MICU3: variants seen among roughly 807,000 people sequenced by gnomAD.
The protein encoded by MICU3 is mitochondrial calcium uptake 3.
Under a neutral mutation model 66.5 loss-of-function variants are expected in MICU3, and 62 were observed. That is an observed-to-expected ratio of 0.93 (90% CI 0.76 to 1.15). The LOEUF (loss-of-function observed/expected upper bound fraction) is 1.15. Among genes scored for constraint, MICU3 ranks in the 50% most tolerant of loss-of-function variants. The pLI is 0.00. For synonymous variants in MICU3, 308 were observed against 240.7 expected (o/e 1.28, Z -2.59); for missense variants, 779 against 664.4 (o/e 1.17, Z -1.90).
At chr8:17,038,899 G>T (rs1813529758) in intron 1 of MICU3, among the ~76,000 whole-genome samples, 1 of 151,418 alleles carries the variant, frequency 6.6e-6, no homozygotes, top group Non-Finnish European at 1.5e-5. Context: ...CTTGCAGTGA[G>T]CTGAGATTGT....
chr8:17,097,683 T>C (rs1800858373), intron 8 of MICU3, among the ~76,000 whole-genome samples: 1 of 151,720 alleles, frequency 6.6e-6, no homozygotes, highest in African/African-American at 2.4e-5. Context: ...TGAGAACCTG[T>C]GAAATCTTCC....
At chr8:17,131,004 G>C in the MICU3 span, among the ~76,000 whole-genome samples, 1 of 152,172 alleles carries the variant, frequency 6.6e-6, no homozygotes, top group Admixed American at 6.5e-5. Context: ...TATGTAAACA[G>C]TAATAAGAAA....
Position 17,032,359 on chromosome 8 carries a change from T to G in MICU3, c.381+4699T>G, listed in dbSNP as rs77083898. 0.021 allele frequency among the ~76,000 whole-genome samples: 3,145 copies of G among 152,284 alleles called. 171 individuals carry two copies. The East Asian group carries it at 0.22, about 11-fold the overall frequency. On this transcript the variant is annotated intron_variant, in intron 1 of 14. Coordinates refer to ENST00000318063, the MANE Select transcript of MICU3 (RefSeq NM_181723.3). ...TTTTTATTAGTGGGAAAAAATTTTG[T>G]TCTAGAACTGCCTTTTTTTTTCATG...
intron 1 of MICU3, among the ~76,000 whole-genome samples, chr8:17,061,893 G>A (rs375218678): frequency 2.5e-4 from 38 of 152,184 alleles, no homozygotes; most frequent in African/African-American, 8.2e-4. Context: ...TCTCACCCAC[G>A]GCAGGGCCAA....
At chr8:17,060,634 A>G (rs546120606) in intron 1 of MICU3, among the ~76,000 whole-genome samples, 5 of 151,906 alleles carry the variant, frequency 3.3e-5, no homozygotes, top group Non-Finnish European at 7.4e-5. Context: ...TAACCAGTCC[A>G]TTTTTCATCT....
intron 13 of MICU3, among the ~76,000 whole-genome samples, chr8:17,118,086 C>G (rs1802854133): frequency 6.6e-6 from 1 of 152,146 alleles, no homozygotes; most frequent in Non-Finnish European, 1.5e-5. Flanking sequence ...GCCAGAAGTA[C>G]TTGAAACAAG....
At chr8:17,042,817 A>T (rs1445210488) in intron 1 of MICU3, among the ~76,000 whole-genome samples, 1 of 151,782 alleles carries the variant, frequency 6.6e-6, no homozygotes, top group South Asian at 2.1e-4. Context: ...TCTGATAAGG[A>T]TGATATCTAT....
intron 11 of MICU3, among the ~76,000 whole-genome samples, chr8:17,110,858 T>C (rs1206017486): frequency 6.6e-6 from 1 of 152,042 alleles, no homozygotes; most frequent in Non-Finnish European, 1.5e-5. Context: ...ATCACAGGGG[T>C]GAGTCACCAT....
chr8:17,079,943 G>A (rs187886407), intron 4 of MICU3, among the ~76,000 whole-genome samples: 1 of 152,208 alleles, frequency 6.6e-6, no homozygotes, highest in East Asian at 1.9e-4. Flanking sequence ...GCAATGTATT[G>A]TGTATAGGAA....
At chr8:17,136,480 C>T in the MICU3 span, among the ~76,000 whole-genome samples, 1 of 152,038 alleles carries the variant, frequency 6.6e-6, no homozygotes, top group East Asian at 1.9e-4. Flanking sequence ...CCTCCGCTGT[C>T]ACCCTTTTGA....
At chr8:17,086,766 A>T (rs1799513526) in intron 6 of MICU3, among the ~76,000 whole-genome samples, 198 bp from the exon 7 acceptor site, 1 of 152,146 alleles carries the variant, frequency 6.6e-6, no homozygotes, top group Admixed American at 6.6e-5. Flanking sequence ...ATTTAACTTA[A>T]TTATGGGTTA....
intron 8 of MICU3, among the ~76,000 whole-genome samples, chr8:17,092,120 C>T (rs1249209948): frequency 2.6e-5 from 4 of 152,094 alleles, no homozygotes; most frequent in African/African-American, 9.7e-5. Flanking sequence ...TCATGATCCA[C>T]CCACCTCGGC....
At chr8:17,046,711 T>A (rs1051876080) in intron 1 of MICU3, among the ~76,000 whole-genome samples, 1 of 152,074 alleles carries the variant, frequency 6.6e-6, no homozygotes, top group Admixed American at 6.6e-5. Context: ...AGATGCCACC[T>A]ACCTAACGCC....
chr8:17,045,266 C>G (rs1814878901), intron 1 of MICU3, among the ~76,000 whole-genome samples: 1 of 152,182 alleles, frequency 6.6e-6, no homozygotes, highest in Admixed American at 6.5e-5. Context: ...CTCTCTCTCT[C>G]TTTCTCCTGC....
At chr8:17,129,994 G>C in the MICU3 span, among the ~76,000 whole-genome samples, 19 of 152,124 alleles carry the variant, frequency 1.2e-4, no homozygotes, top group Non-Finnish European at 1.5e-5. Flanking sequence ...TGTTAAACTG[G>C]AATAGTATAT....
At chr8:17,107,588 C>T (rs1801847016) in intron 11 of MICU3, among the ~76,000 whole-genome samples, 1 of 152,120 alleles carries the variant, frequency 6.6e-6, no homozygotes, top group Admixed American at 6.5e-5. Flanking sequence ...CAAACTACTG[C>T]ACCTATTTTT....
At position 17,027,300 on chromosome 8, in the gene MICU3, C is replaced by A. The variant is rs1811146114; in HGVS notation, c.21C>A (p.Leu7=). Residue 7 remains leucine (L), a synonymous_variant, in exon 1 of 15, where the codon CTC becomes CTA. Coordinates refer to ENST00000318063, the MANE Select transcript of MICU3 (RefSeq NM_181723.3). MAALRR[L]LWPPPRVSPP... ...CCGCTATGGCTGCGCTGCGAAGGCT[C>A]TTGTGGCCGCCACCCCGGGTGTCTC... is the stretch of plus-strand genomic sequence containing the variant. 4.9e-6 allele frequency: 7 copies of A among 1,417,604 alleles called. No homozygotes were observed. The highest frequency in any genetic ancestry group is 5.6e-6 in the Non-Finnish European group (6 of 1,079,656). The allele number at this position is 1,417,604 out of a possible 1,614,324, so 87.8% of individuals were successfully genotyped here.
intron 1 of MICU3, among the ~76,000 whole-genome samples, chr8:17,034,160 C>T (rs1024470508): frequency 6.6e-6 from 1 of 152,178 alleles, no homozygotes; most frequent in Non-Finnish European, 1.5e-5. Flanking sequence ...TATGCTAAAT[C>T]TATGCTACCT....
intron 12 of MICU3, among the ~76,000 whole-genome samples, chr8:17,114,721 C>T (rs1293253095): frequency 6.6e-6 from 1 of 152,194 alleles, no homozygotes; most frequent in East Asian, 1.9e-4. Context: ...CTTCCCTCTC[C>T]TCATGGCCAT....
Sources: gnomAD v4.1 joint callset for allele counts (sites outside exome capture counted in the v4.1 genomes callset) on GRCh38, gnomAD v4.1.1 for gene constraint, MANE v1.5 for transcripts, NCBI Gene and HGNC (gene_info 2026-07-23, HGNC 2026-07-21) for gene names.